CD96: variants seen among roughly 807,000 people sequenced by gnomAD.
CD96 encodes the protein T-cell surface protein tactile.
CD96 carries 70 observed loss-of-function variants against 71.3 expected under a neutral mutation model. The ratio of observed to expected loss-of-function variants is 0.98; its 90% CI spans 0.81 to 1.20. The LOEUF is 1.20. Ranked by LOEUF, CD96 falls within the 50% of genes most tolerant of loss-of-function variation. The probability of loss-of-function intolerance (pLI) is 0.00; values close to 1 mark genes in which losing one functional copy is unlikely to be tolerated. For synonymous variants in CD96, 248 were observed against 233.0 expected (o/e 1.06, Z -0.59); for missense variants, 742 against 677.5 (o/e 1.10, Z -1.06).
chr3:111,640,227 CAAA>C (rs528369367), intron 12 of CD96, among the ~76,000 whole-genome samples: 1 of 150,842 alleles, frequency 6.6e-6, no homozygotes, highest in Non-Finnish European at 1.5e-5. Context: ...CAAAGAAATC[CAAA>C]AAAAATGACA....
chr3:111,547,849 A>G (rs1934492208), intron 2 of CD96, among the ~76,000 whole-genome samples: 1 of 152,184 alleles, frequency 6.6e-6, no homozygotes, highest in Non-Finnish European at 1.5e-5. Context: ...AATAGAAAAG[A>G]GCAAAACAGA....
intron 8 of CD96, among the ~76,000 whole-genome samples, chr3:111,610,925 A>G (rs764454726): frequency 2.0e-5 from 3 of 152,188 alleles, no homozygotes; most frequent in Admixed American, 1.3e-4. Context: ...GAAACTCATA[A>G]GTATGGAGCG....
At chr3:111,600,681 T>C (rs953452466) in intron 6 of CD96, 45 bp from the exon 7 acceptor site, 13 of 1,377,890 alleles carry the variant, frequency 9.4e-6, no homozygotes, top group African/African-American at 4.3e-5. Flanking sequence ...GTATGGCTCA[T>C]ACATAAAATG....
chr3:111,630,506 A>T (rs1939006316), intron 10 of CD96, among the ~76,000 whole-genome samples: 1 of 152,110 alleles, frequency 6.6e-6, no homozygotes, highest in African/African-American at 2.4e-5. Flanking sequence ...TGAAATTGAG[A>T]CAGTAATTAA....
At chr3:111,578,264 A>C (rs1335843234) in intron 3 of CD96, among the ~76,000 whole-genome samples, 1 of 152,188 alleles carries the variant, frequency 6.6e-6, no homozygotes, top group Non-Finnish European at 1.5e-5. Context: ...CACAGAGAGA[A>C]TAATAGGGCT....
chr3:111,661,380 T>C (rs1208205374), intron 14 of CD96, among the ~76,000 whole-genome samples: 4 of 152,140 alleles, frequency 2.6e-5, no homozygotes, highest in Non-Finnish European at 5.9e-5. Flanking sequence ...TTCTCACATT[T>C]CAAAATACAA....
At chr3:111,574,642 T>C (rs1049244753) in intron 3 of CD96, among the ~76,000 whole-genome samples, 3 of 152,170 alleles carry the variant, frequency 2.0e-5, no homozygotes, top group African/African-American at 4.8e-5. Context: ...CAAGCTCCTA[T>C]ACATAATTTA....
chr3:111,580,286 G>A (rs1396917824), intron 4 of CD96, among the ~76,000 whole-genome samples: 2 of 152,182 alleles, frequency 1.3e-5, no homozygotes, highest in South Asian at 4.1e-4. Flanking sequence ...AGGAGGAAAG[G>A]TTAAAATTCT....
chr3:111,549,500 A>G (rs10511299), intron 2 of CD96, among the ~76,000 whole-genome samples: 59,118 of 152,016 alleles, frequency 0.39, 13,612 homozygotes, highest in Middle Eastern at 0.53. Context: ...TTTGTGGTTC[A>G]AGTGTAGAGA....
At position 111,600,898 on chromosome 3, in the gene CD96, G is replaced by A; in HGVS notation, c.1071G>A (p.Lys357=). 1 of 1,610,284 alleles carries A rather than the reference G, an allele frequency of 6.2e-7. No individual in the cohort carries two copies. The highest frequency in any genetic ancestry group is 8.5e-7 in the Non-Finnish European group (1 of 1,176,706). Residue 357 remains lysine, a synonymous_variant, in exon 7 of 14, where the codon AAG becomes AAA. Coordinates refer to ENST00000352690, the MANE Select transcript of CD96 (RefSeq NM_005816.5). The part of the protein sequence containing the change: ...GNKVWNISSE[K]ITFLLGSEIS... ...AAGTGTGGAACATCTCATCAGAAAA[G>A]ATCACTTTTCTCTTAGGTGAGTTGT... is the stretch of plus-strand genomic sequence containing the variant.
chr3:111,651,523 C>G lies in CD96; in HGVS notation c.*1717C>G, dbSNP rs1045494780. 6.6e-6 allele frequency: 1 copy of G among 152,240 alleles called. No homozygotes were observed. Among genetic ancestry groups the G allele is most frequent in the Non-Finnish European group, 1.5e-5 (1 of 68,114 alleles). The allele number at this position is 152,240 out of a possible 1,614,324, so 9.4% of individuals were successfully genotyped here. A position where few individuals can be genotyped will look rare whatever the true frequency, so the allele number is the denominator to read the frequency against. On this transcript the variant is annotated 3_prime_UTR_variant, in exon 14 of 14. Coordinates refer to ENST00000352690, the MANE Select transcript of CD96 (RefSeq NM_005816.5). Reference sequence around the variant, plus strand: ...GGCTTCTTCTTTGATCTCTCTTTGACCATACTGACACTGGGAAAAGCCCAT... The same window carrying G: ...GGCTTCTTCTTTGATCTCTCTTTGAGCATACTGACACTGGGAAAAGCCCAT...
At chr3:111,653,853 T>C (rs553620906), downstream of CD96, among the ~76,000 whole-genome samples, 1 of 152,130 alleles carries the variant, frequency 6.6e-6, no homozygotes, top group East Asian at 1.9e-4. Context: ...CTAAAAATTG[T>C]AACAGAAAAC....
At chr3:111,647,520 A>T (rs1025991209) in intron 12 of CD96, 23 bp from the exon 13 acceptor site, 1 of 1,610,106 alleles carries the variant, frequency 6.2e-7, no homozygotes, top group South Asian at 1.1e-5. Flanking sequence ...ATTAAAGTTC[A>T]TCTTTCTTTA....
At chr3:111,627,253 G>C (rs547162564) in intron 10 of CD96, among the ~76,000 whole-genome samples, 1 of 152,340 alleles carries the variant, frequency 6.6e-6, no homozygotes, top group African/African-American at 2.4e-5. Context: ...AGAGTGCCTT[G>C]TGGGAGGGGT....
intron 3 of CD96, among the ~76,000 whole-genome samples, chr3:111,571,581 G>A (rs951485073): frequency 6.6e-6 from 1 of 152,068 alleles, no homozygotes; most frequent in East Asian, 1.9e-4. Flanking sequence ...CAGTGAGAGG[G>A]TGAATCTTAA....
At chr3:111,575,302 A>C (rs1936172869) in intron 3 of CD96, among the ~76,000 whole-genome samples, 1 of 152,260 alleles carries the variant, frequency 6.6e-6, no homozygotes, top group Non-Finnish European at 1.5e-5. Flanking sequence ...CAAAATTTAA[A>C]GGAGCACAAA....
At chr3:111,661,484 C>T (rs1940357072) in intron 14 of CD96, among the ~76,000 whole-genome samples, 1 of 152,186 alleles carries the variant, frequency 6.6e-6, no homozygotes, top group African/African-American at 2.4e-5. Context: ...AAGGCGAGTC[C>T]CTTCTGCCTA....
intron 5 of CD96, among the ~76,000 whole-genome samples, chr3:111,588,432 C>G (rs7645743): frequency 0.47 from 71,013 of 152,066 alleles, 18,735 homozygotes; most frequent in Non-Finnish European, 0.6. Flanking sequence ...AGCCATTCAG[C>G]AAGTCTCTAG....
At chr3:111,594,257 T>C in intron 5 of CD96, 1 of 1,509,736 alleles carries the variant, frequency 6.6e-7, no homozygotes, top group Non-Finnish European at 8.9e-7. Flanking sequence ...CAAAAGCTTA[T>C]TTGAACCACA....
Sources: allele counts gnomAD v4.1 joint callset (sites outside exome capture counted in the v4.1 genomes callset), GRCh38; gene constraint gnomAD v4.1.1; transcripts MANE v1.5; gene names NCBI Gene and HGNC (gene_info 2026-07-23, HGNC 2026-07-21).